KIF1A: variants seen among roughly 807,000 people sequenced by gnomAD.
KIF1A encodes the protein kinesin-like protein KIF1A.
Under a neutral mutation model 227.3 loss-of-function variants are expected in KIF1A, and 46 were observed. The observed-to-expected ratio is 0.20, with a 90% CI of 0.16 to 0.26. The LOEUF (loss-of-function observed/expected upper bound fraction) is 0.26. KIF1A is among the 10% of genes least tolerant of loss of function. The pLI is 1.00. For missense variants in KIF1A, 1,683 were observed against 2,485.9 expected, an observed-to-expected ratio of 0.68 and a Z score of 6.87; for synonymous variants, 1,022 against 1,012.8, an observed-to-expected ratio of 1.01 and a Z score of -0.17.
In KIF1A at chr2:240,746,188, G is replaced by C. The variant is rs1430981009; in HGVS notation, c.3064-11C>G. 4.5e-6 allele frequency: 7 copies of C among 1,556,812 alleles called. No individual in the cohort carries two copies. Among genetic ancestry groups the C allele is most frequent in the Non-Finnish European group, 6.1e-6 (7 of 1,150,812 alleles). ...AGACTCGGACTGGAACTGATCAGAG[G>C]GGGACCAGAGTCAGAGAGAGCCAGG... On this transcript the variant is annotated splice_polypyrimidine_tract_variant and intron_variant, in intron 29 of 48. Transcript: ENST00000498729.
rs567340361 is a variant in KIF1A, at chr2:240,722,830, C to T, written c.4465-174G>A. Among the ~76,000 whole-genome samples the T allele has an allele frequency of 2.0e-3, 299 of 152,270 alleles. 1 individual carries two copies. Among genetic ancestry groups the T allele is most frequent in the Non-Finnish European group, 2.6e-3 (176 of 68,000 alleles). ...TGTGAAATGAGGGAACAGACCCTGG[C>T]GCCCCGGGGCTGACAGCCCTCAGCC... On this transcript the variant is annotated intron_variant, in intron 42 of 48. Transcript: ENST00000498729.
intron 15 of KIF1A, 147 bp downstream of exon 15, chr2:240,770,824 G>T (rs1265909916): frequency 5.2e-6 from 5 of 966,704 alleles, no homozygotes; most frequent in Non-Finnish European, 7.5e-6. Flanking sequence ...GGGCACCTGG[G>T]TGGCCACACG....
At chr2:240,741,734 C>T (rs542803810) in intron 34 of KIF1A, among the ~76,000 whole-genome samples, 7 of 152,344 alleles carry the variant, frequency 4.6e-5, no homozygotes, top group South Asian at 4.1e-4. Context: ...CTCACGGGGC[C>T]GCTCTGCCAT....
chr2:240,798,971 CA>C (rs34930188), intron 1 of KIF1A, among the ~76,000 whole-genome samples: 3,556 of 152,352 alleles, frequency 0.023, 283 homozygotes, highest in Admixed American at 0.14. Flanking sequence ...AACCCTTCCA[CA>C]CTGACATTCC....
Position 240,725,384 on chromosome 2 carries a change from C to T in KIF1A, c.4143G>A (p.Pro1381=), listed in dbSNP as rs2241683. 0.016 allele frequency: 25,464 copies of T among 1,612,268 alleles called. 3,093 individuals are homozygous for T. In the East Asian group the frequency reaches 0.33, roughly 21 times the overall value. The change falls in exon 40 of 49, where the codon CCG becomes CCA. Residue 1381 remains proline (P), a synonymous_variant. Coordinates refer to ENST00000498729, the MANE Select transcript of KIF1A (RefSeq NM_001244008.2). This position sits in a 1 kb window ranked among gnomAD's most constrained non-coding sequence, Gnocchi z 5.8. ...TGCAGAAGTCCTTGGTGACAACAGC[C>T]GGCTGGGTGCAGTTCTCCATCTGAG... ...AYIEMENCTQ[P]AVVTKDFCMV...
intron 6 of KIF1A, among the ~76,000 whole-genome samples, 151 bp from the exon 7 acceptor site, chr2:240,785,251 C>T (rs2054585200): frequency 6.6e-6 from 1 of 152,236 alleles, no homozygotes; most frequent in Non-Finnish European, 1.5e-5. Flanking sequence ...CTGATGGCGC[C>T]TCCTGCCAGG....
Position 240,763,169 on chromosome 2 carries a change from T to G in KIF1A, c.1946A>C (p.Gln649Pro), listed in dbSNP as rs1356741390. 6.2e-7 allele frequency: 1 copy of G among 1,610,362 alleles called. No individual in the cohort carries two copies. The highest frequency in any genetic ancestry group is 8.5e-7 in the Non-Finnish European group (1 of 1,179,624). ...QGIDMKQEME[Q>P]RLQELEDQYR... ...TTGGGGGTGGCCTCCGCCTCACCTC[T>G]GCTCCATCTCCTGCTTCATGTCGAT... The change falls in exon 21 of 49, where the codon CAG (glutamine) becomes CCG (proline). Residue 649 changes from glutamine to proline, a missense_variant. By Grantham distance (76) the Gln-to-Pro change is moderately conservative (BLOSUM62 -1). This residue lies in a region of KIF1A where 217 missense variants were observed against 427.0 expected (regional missense o/e 0.51). Coordinates refer to ENST00000498729, the MANE Select transcript of KIF1A (RefSeq NM_001244008.2).
chr2:240,820,668 G>T (rs2058659255), upstream of KIF1A, among the ~76,000 whole-genome samples: 1 of 150,992 alleles, frequency 6.6e-6, no homozygotes. The surrounding 1 kb of genome is among the most constrained non-coding windows in gnomAD (Gnocchi z 6.2). Flanking sequence ...ACGCATCGTG[G>T]GGGGCGGGCG....
intron 32 of KIF1A, among the ~76,000 whole-genome samples, chr2:240,744,549 T>C (rs910176367): frequency 7.9e-5 from 12 of 152,092 alleles, no homozygotes; most frequent in African/African-American, 2.4e-4. Flanking sequence ...TAGGTCCCAA[T>C]CCAACATGGC....
intron 12 of KIF1A, among the ~76,000 whole-genome samples, chr2:240,773,888 A>T (rs563058253): frequency 6.6e-6 from 1 of 151,846 alleles, no homozygotes; most frequent in Admixed American, 6.5e-5. Context: ...CCCGGCCGGC[A>T]GGTGAGTGTA....
chr2:240,723,407 C>T lies in KIF1A; in HGVS notation c.4464+6G>A. ...GTGCGGGCCTCATCCTCTGAGGCTG[C>T]CTCACCTCCTGCAGGAGGCTCAGCT... is the stretch of plus-strand genomic sequence containing the variant. On this transcript the variant is annotated splice_donor_region_variant and intron_variant, in intron 42 of 48. Coordinates refer to ENST00000498729, the MANE Select transcript of KIF1A (RefSeq NM_001244008.2). 1.3e-6 allele frequency: 2 copies of T among 1,544,470 alleles called. No individual in the cohort carries two copies. Among genetic ancestry groups the T allele is most frequent in the Non-Finnish European group, 1.8e-6 (2 of 1,142,706 alleles).
At position 240,730,601 on chromosome 2, in the gene KIF1A, T is replaced by G. The variant is rs139070215; in HGVS notation, c.4008-3661A>C. Among the ~76,000 whole-genome samples, 488 of 152,298 alleles carry G rather than the reference T, an allele frequency of 3.2e-3. 2 individuals carry two copies. Among genetic ancestry groups the G allele is most frequent in the Non-Finnish European group, 5.3e-3 (359 of 68,024 alleles). On this transcript the variant is annotated intron_variant, in intron 38 of 48. Transcript: ENST00000498729. ...CGATCTAACAGGCTGAGGCCACAGATGGCAGCCAGGGCTGACCCTCCTCGC... is the reference window on the plus strand; with the variant it reads ...CGATCTAACAGGCTGAGGCCACAGAGGGCAGCCAGGGCTGACCCTCCTCGC...
At chr2:240,764,755 A>G (rs1427732569) in intron 20 of KIF1A, among the ~76,000 whole-genome samples, 1 of 152,162 alleles carries the variant, frequency 6.6e-6, no homozygotes, top group East Asian at 1.9e-4. Flanking sequence ...CCACACCTGC[A>G]ATCAGCTGAT....
chr2:240,741,507 G>A (rs1393738241), intron 34 of KIF1A, 130 bp from the exon 35 acceptor site: 8 of 675,834 alleles, frequency 1.2e-5, no homozygotes, highest in Non-Finnish European at 1.9e-5. Context: ...CCTCCTCAAG[G>A]GAAACAACCA....
At chr2:240,724,219 C>T in intron 40 of KIF1A, 183 bp from the exon 41 acceptor site, 1 of 636,364 alleles carries the variant, frequency 1.6e-6, no homozygotes, top group Non-Finnish European at 2.9e-6. Flanking sequence ...CCTCCGGCCC[C>T]CAGAGAAAAG....
chr2:240,778,323 TTCC>T lies in KIF1A; in HGVS notation c.883-2400_883-2398del, dbSNP rs113003873. ...TACATAGGGCCTCGTTACACAGGCG[TTCC>T]TCACCATTCTCCACACGCCAGTCCC... On this transcript the variant is annotated intron_variant, in intron 10 of 48. Coordinates refer to ENST00000498729, the MANE Select transcript of KIF1A (RefSeq NM_001244008.2). This position sits in a 1 kb window ranked among gnomAD's most constrained non-coding sequence, Gnocchi z 7.2. Among the ~76,000 whole-genome samples the T allele has an allele frequency of 1.7e-3, 254 of 151,844 alleles. 2 individuals are homozygous for T. The highest frequency in any genetic ancestry group is 5.7e-3 in the African/African-American group (237 of 41,372).
At chr2:240,768,462 G>A (rs2051487270) in intron 17 of KIF1A, among the ~76,000 whole-genome samples, 2 of 152,236 alleles carry the variant, frequency 1.3e-5, no homozygotes, top group Non-Finnish European at 2.9e-5. Flanking sequence ...GGACACACAG[G>A]TGTCTGTCCC....
At chr2:240,812,917 G>GGGGATCCGCCTTCACCTCA (rs2058015999) in intron 1 of KIF1A, among the ~76,000 whole-genome samples, 1 of 142,792 alleles carries the variant, frequency 7.0e-6, no homozygotes, top group African/African-American at 2.7e-5. Context: ...CCTTCACCTC[G>GGGGATCCGCCTTCACCTCA]GGGATCAGCC....
In KIF1A at chr2:240,792,430, C is replaced by G. The variant is rs2055828194; in HGVS notation, c.107-3118G>C. On this transcript the variant is annotated intron_variant, in intron 2 of 48. Coordinates refer to ENST00000498729, the MANE Select transcript of KIF1A (RefSeq NM_001244008.2). This position sits in a 1 kb window ranked among gnomAD's most constrained non-coding sequence, Gnocchi z 4.5. ...CCAGGCCCCCAGAGCTGGGCCCCTC[C>G]AAGGCCGGCGAGGTGCCCAGTATCA... is the stretch of plus-strand genomic sequence containing the variant. Among the ~76,000 whole-genome samples the G allele has an allele frequency of 6.6e-6, 1 of 152,080 alleles. No individual in the cohort carries two copies. The highest frequency in any genetic ancestry group is 6.5e-5 in the Admixed American group (1 of 15,272).
Sources: allele counts gnomAD v4.1 joint callset (sites outside exome capture counted in the v4.1 genomes callset), GRCh38; gene constraint gnomAD v4.1.1; regional missense constraint gnomAD v4.1.1; non-coding constraint Gnocchi (gnomAD v3.1); transcripts MANE v1.5; gene names NCBI Gene and HGNC (gene_info 2026-07-23, HGNC 2026-07-21).